FOXP1: variants seen among roughly 807,000 people sequenced by gnomAD.
The protein encoded by FOXP1 is forkhead box protein P1.
Under a neutral mutation model 98.2 loss-of-function variants are expected in FOXP1, and 15 were observed. That is an observed-to-expected ratio of 0.15 (90% CI 0.10 to 0.24). The LOEUF (loss-of-function observed/expected upper bound fraction) is 0.24. Ranked by LOEUF, FOXP1 falls within the 10% of genes least tolerant of loss-of-function variation. The pLI, the probability that FOXP1 is intolerant of heterozygous loss-of-function variation, is 1.00. For synonymous variants in FOXP1, 371 were observed against 314.5 expected, an observed-to-expected ratio of 1.18 and a Z score of -1.90; for missense variants, 633 against 848.5, an observed-to-expected ratio of 0.75 and a Z score of 3.15.
At chr3:71,015,948 C>A (rs954925170) in intron 11 of FOXP1, among the ~76,000 whole-genome samples, 11 of 152,128 alleles carry the variant, frequency 7.2e-5, no homozygotes, top group Non-Finnish European at 1.5e-4. Context: ...GCGAAGGAGT[C>A]TTTAAAAAGC....
chr3:70,966,189 G>C, intron 19 of FOXP1, 133 bp from the exon 20 acceptor site: 3 of 881,330 alleles, frequency 3.4e-6, no homozygotes, highest in Admixed American at 2.0e-5. Context: ...GTTTCTAAGA[G>C]GTGTTGAAAG....
intron 6 of FOXP1, among the ~76,000 whole-genome samples, chr3:71,158,137 GAGGCAGGGAAGGAGGGAGGGAGGC>G (rs1560038600): frequency 8.2e-5 from 4 of 48,884 alleles, no homozygotes; most frequent in African/African-American, 2.7e-4. Flanking sequence ...GGGAGGGAGG[GAGGCAGGGAAGGAGGGAGGGAGGC>G]AGGGAAGGAA....
At chr3:71,020,049 T>A (rs1270246595) in intron 11 of FOXP1, among the ~76,000 whole-genome samples, 2 of 152,202 alleles carry the variant, frequency 1.3e-5, no homozygotes, top group African/African-American at 4.8e-5. Flanking sequence ...ACTATCGTTA[T>A]GACACTTTCT....
intron 14 of FOXP1, among the ~76,000 whole-genome samples, chr3:70,981,643 A>ATTT (rs1282671852): frequency 1.3e-5 from 2 of 152,186 alleles, no homozygotes; most frequent in Non-Finnish European, 2.9e-5. Context: ...AGGTAAACTA[A>ATTT]TTAAAAGACA....
At chr3:71,381,511 C>G (rs1256874066) in intron 3 of FOXP1, among the ~76,000 whole-genome samples, 1 of 144,496 alleles carries the variant, frequency 6.9e-6, no homozygotes, top group Non-Finnish European at 1.5e-5. Context: ...GGCACGATCA[C>G]AGCTCACTGC....
rs1462904525 is a variant in FOXP1, at chr3:70,972,662, A to G, written c.1545T>C (p.His515=). 4 of 1,614,038 alleles carry G rather than the reference A, an allele frequency of 2.5e-6. No homozygotes were observed. Among genetic ancestry groups the G allele is most frequent in the Non-Finnish European group, 3.4e-6 (4 of 1,179,966 alleles). ...CAAAACACTTGTGAAGACTAAGATTATGACGCACTGCATTCTGCAGCAAGT... is the reference window on the plus strand; with the variant it reads ...CAAAACACTTGTGAAGACTAAGATTGTGACGCACTGCATTCTGCAGCAAGT... ...NAATWKNAVR[H]NLSLHKCFVR... is the part of the protein sequence containing the mutation. The change falls in exon 18 of 21, where the codon CAT becomes CAC. Residue 515 remains histidine (H), a synonymous_variant. Transcript: ENST00000649528.
At chr3:71,174,241 A>C (rs544054579) in intron 6 of FOXP1, among the ~76,000 whole-genome samples, 1 of 152,276 alleles carries the variant, frequency 6.6e-6, no homozygotes, top group Admixed American at 6.5e-5. Context: ...ATTACTGTGG[A>C]GGGGGGAAAA....
chr3:71,278,131 C>T (rs922810059), intron 5 of FOXP1, among the ~76,000 whole-genome samples: 3 of 152,100 alleles, frequency 2.0e-5, no homozygotes, highest in Non-Finnish European at 4.4e-5. Flanking sequence ...GTAGCCCCTA[C>T]GTAACCCAGA....
intron 6 of FOXP1, among the ~76,000 whole-genome samples, chr3:71,192,076 C>T (rs146008814): frequency 3.1e-4 from 47 of 152,222 alleles, no homozygotes; most frequent in Non-Finnish European, 5.6e-4. Flanking sequence ...TCTTCTATGC[C>T]CCCTTTCTGG....
intron 3 of FOXP1, among the ~76,000 whole-genome samples, chr3:71,454,739 ATGTAAAAGTC>A (rs2087291189): frequency 6.6e-6 from 1 of 151,986 alleles, no homozygotes; most frequent in African/African-American, 2.4e-5. Context: ...TTCAGAACAT[ATGTAAAAGTC>A]TGTGGAATAC....
chr3:71,054,694 G>A (rs935505226), intron 7 of FOXP1, among the ~76,000 whole-genome samples: 23 of 152,198 alleles, frequency 1.5e-4, no homozygotes, highest in African/African-American at 5.3e-4. Context: ...GACCCATTTT[G>A]TCAGTCCCCG....
intron 5 of FOXP1, chr3:71,296,488 A>C (rs1444994357): frequency 6.6e-6 from 1 of 152,206 alleles, no homozygotes; most frequent in African/African-American, 2.4e-5. Context: ...TCTTTGAAAG[A>C]TCTTTCACCT....
chr3:71,327,146 A>G (rs182436334), intron 4 of FOXP1, among the ~76,000 whole-genome samples: 2 of 152,044 alleles, frequency 1.3e-5, no homozygotes, highest in East Asian at 3.9e-4. Flanking sequence ...AAAGCAAGTA[A>G]AGACAGAACC....
chr3:71,032,731 C>T (rs2047037974), intron 11 of FOXP1, among the ~76,000 whole-genome samples: 1 of 152,166 alleles, frequency 6.6e-6, no homozygotes, highest in African/African-American at 2.4e-5. Flanking sequence ...AGCATCTTTG[C>T]AAATCTTGAA....
Position 71,581,556 on chromosome 3 carries a change from G to A in FOXP1, c.-305C>T, listed in dbSNP as rs2048172611. Reference sequence around the variant, plus strand: ...GCGGCCGCCTCGACTTACCCGCGGAGTCCGGGGAGGGAGTAGGAGCGCCGC... The same window carrying A: ...GCGGCCGCCTCGACTTACCCGCGGAATCCGGGGAGGGAGTAGGAGCGCCGC... On this transcript the variant is annotated 5_prime_UTR_variant, in exon 2 of 21. Coordinates refer to ENST00000649528, the MANE Select transcript of FOXP1 (RefSeq NM_001349338.3). The A allele has an allele frequency of 1.1e-5, 11 of 985,374 alleles. No individual in the cohort carries two copies. Among genetic ancestry groups the A allele is most frequent in the Non-Finnish European group, 1.3e-5 (11 of 830,002 alleles). The allele number at this position is 985,374 out of a possible 1,614,324, so 61.0% of individuals were successfully genotyped here.
intron 19 of FOXP1, among the ~76,000 whole-genome samples, chr3:70,967,642 TTTG>T (rs1188752643): frequency 1.3e-5 from 2 of 149,816 alleles, no homozygotes; most frequent in Non-Finnish European, 2.9e-5. Context: ...TTTCTTTCTT[TTTG>T]TTTTTTTTTT....
chr3:71,577,877 G>T (rs962725227), intron 2 of FOXP1, among the ~76,000 whole-genome samples: 1 of 151,856 alleles, frequency 6.6e-6, no homozygotes, highest in African/African-American at 2.4e-5. Flanking sequence ...CCTTTCTTGA[G>T]GTTATTTTCT....
At chr3:71,428,158 C>T (rs2084337660) in intron 3 of FOXP1, among the ~76,000 whole-genome samples, 1 of 152,140 alleles carries the variant, frequency 6.6e-6, no homozygotes, top group African/African-American at 2.4e-5. Context: ...GAGACTGTCC[C>T]ATCTACATTC....
At chr3:71,388,819 G>T (rs1165659275) in intron 3 of FOXP1, among the ~76,000 whole-genome samples, 4 of 152,110 alleles carry the variant, frequency 2.6e-5, no homozygotes, top group East Asian at 1.9e-4. Flanking sequence ...GAAAAGAAAA[G>T]AAAAATTTTG....
Sources: allele counts gnomAD v4.1 joint callset (sites outside exome capture counted in the v4.1 genomes callset), GRCh38; gene constraint gnomAD v4.1.1; transcripts MANE v1.5; gene names NCBI Gene and HGNC (gene_info 2026-07-23, HGNC 2026-07-21).